Variants in KDM4A observed in about 807,000 individuals in gnomAD.
KDM4A encodes the protein lysine demethylase 4A, also known as lysine-specific demethylase 4A.
In KDM4A, 23 loss-of-function variants were observed where a neutral mutation model predicts 127.1. The observed-to-expected ratio is 0.18, with a 90% CI of 0.13 to 0.26. The LOEUF (loss-of-function observed/expected upper bound fraction) is 0.26, where lower values mean the gene tolerates loss of function less well. KDM4A is among the 10% of genes least tolerant of loss of function. The pLI is 1.00. For missense variants in KDM4A, 890 were observed against 1,329.1 expected (o/e 0.67, Z 5.14); for synonymous variants, 443 against 466.5 (o/e 0.95, Z 0.65).
intron 3 of KDM4A, among the ~76,000 whole-genome samples, chr1:43,657,550 G>T (rs780839604): frequency 1.3e-5 from 2 of 151,990 alleles, no homozygotes; most frequent in Non-Finnish European, 2.9e-5. Context: ...GCTGACCGAT[G>T]AGAGAATTTA....
In KDM4A at chr1:43,671,857, T is replaced by C; in HGVS notation, c.1716T>C (p.Ser572=). The change falls in exon 11 of 22, where the codon AGT becomes AGC. Residue 572 remains serine (S), a synonymous_variant. Coordinates refer to ENST00000372396, the MANE Select transcript of KDM4A (RefSeq NM_014663.3). ...AAGGAAGCGCCGCTAGAAGTTTCAG[T>C]GAGCGGGAGCTGGCAGAGGTATGGG... ...RKKGSAARSF[S]ERELAEVADE... 1 of 1,572,470 alleles carries C rather than the reference T, an allele frequency of 6.4e-7. No homozygotes were observed.
Position 43,662,874 on chromosome 1 carries a change from G to C in KDM4A, c.430-20G>C. 1 of 1,588,556 alleles carries C rather than the reference G, an allele frequency of 6.3e-7. No individual in the cohort carries two copies. Among genetic ancestry groups the C allele is most frequent in the Admixed American group, 1.7e-5 (1 of 57,876 alleles). ...TTCTATGCAAATGTAACTTGCCCTG[G>C]ACTGTCATTGCCTTTGCAGCATGTT... On this transcript the variant is annotated intron_variant, in intron 4 of 21. Coordinates refer to ENST00000372396, the MANE Select transcript of KDM4A (RefSeq NM_014663.3).
Position 43,656,571 on chromosome 1 carries a change from C to G in KDM4A, c.314+805C>G, listed in dbSNP as rs1486292518. On this transcript the variant is annotated intron_variant, in intron 3 of 21. Transcript: ENST00000372396. ...CAGGCTGGTCTTGAACTCCTGACCT[C>G]AAGTGATCCTCCTGCCTTGGCCTCC... 2.0e-5 allele frequency among the ~76,000 whole-genome samples: 3 copies of G among 151,980 alleles called. No homozygotes were observed. The South Asian group carries it at 6.2e-4, about 32-fold the overall frequency.
chr1:43,701,725 C>T (rs754521469), intron 19 of KDM4A, among the ~76,000 whole-genome samples: 47 of 152,122 alleles, frequency 3.1e-4, no homozygotes, highest in Admixed American at 5.2e-4. Flanking sequence ...TGGGCTGATG[C>T]GATCCTCCTA....
rs757921554 is a variant in KDM4A, at chr1:43,653,298, G to A, written c.123G>A (p.Arg41=). 5 of 1,612,178 alleles carry A rather than the reference G, an allele frequency of 3.1e-6. No homozygotes were observed. In the South Asian group the frequency reaches 5.5e-5, roughly 18 times the overall value. Residue 41 remains arginine, a synonymous_variant, in exon 2 of 22, where the codon CGG becomes CGA. Coordinates refer to ENST00000372396, the MANE Select transcript of KDM4A (RefSeq NM_014663.3). ...IAYIESQGAH[R]AGLAKVVPPK... ...ACATTGAATCCCAAGGAGCTCATCG[G>A]GCAGGGCTAGCCAAGGTAAGGAGCT...
chr1:43,656,654 A>AATGTTTAGTTCTCATTT (rs1035320356), intron 3 of KDM4A, among the ~76,000 whole-genome samples: 4 of 150,202 alleles, frequency 2.7e-5, no homozygotes, highest in Non-Finnish European at 5.9e-5. Context: ...CGCTGTTTTT[A>AATGTTTAGTTCTCATTT]ATGTTTAGTT....
rs370997898 is a variant in KDM4A, at chr1:43,694,882, T to G, written c.2658T>G (p.Ile886Met). 6 of 1,594,766 alleles carry G rather than the reference T, an allele frequency of 3.8e-6. No individual in the cohort carries two copies. The highest frequency in any genetic ancestry group is 1.1e-5 in the South Asian group (1 of 90,714). ...TCATTACCTGCTTTCGGCACAAGAT[T>G]CCTAATTTGGAGGTGAGAGAGGGTG... ...VVFITCFRHK[I>M]PNLERAKGAL... is the part of the protein sequence containing the mutation. Residue 886 changes from isoleucine to methionine, a missense_variant, in exon 18 of 22, where the codon ATT becomes ATG. Ile to Met is a conservative substitution (Grantham distance 10). This residue lies in a region of KDM4A where 246 missense variants were observed against 418.4 expected (regional missense o/e 0.59). Coordinates refer to ENST00000372396, the MANE Select transcript of KDM4A (RefSeq NM_014663.3). The surrounding 1 kb of genome is among the most constrained non-coding windows in gnomAD (Gnocchi z 5.2).
At chr1:43,650,672 TG>T (rs1181421473) in intron 1 of KDM4A, 1 of 152,258 alleles carries the variant, frequency 6.6e-6, no homozygotes, top group Non-Finnish European at 1.5e-5. Context: ...CTTTATTGAG[TG>T]GGTAAGTACC....
Position 43,667,033 on chromosome 1 carries a change from C to G in KDM4A, c.857C>G (p.Ala286Gly), listed in dbSNP as rs766535295. The change falls in exon 8 of 22, where the codon GCG (alanine) becomes GGG (glycine). Residue 286 changes from alanine (A) to glycine (G), a missense_variant. Ala to Gly is a moderately conservative substitution (Grantham distance 60, BLOSUM62 0). Transcript: ENST00000372396. ...HAGFNHGFNC[A>G]ESTNFATRRW... ...GGCTTTAACCATGGTTTTAACTGTG[C>G]GGAGTCTACCAATTTTGCTACCCGT... 6.2e-7 allele frequency: 1 copy of G among 1,614,092 alleles called. No homozygotes were observed. The highest frequency in any genetic ancestry group is 1.1e-5 in the South Asian group (1 of 91,082).
At chr1:43,668,707 G>T (rs1033872685) in intron 9 of KDM4A, among the ~76,000 whole-genome samples, 8 of 152,192 alleles carry the variant, frequency 5.3e-5, no homozygotes, top group Non-Finnish European at 1.5e-5. Flanking sequence ...TGGTAATGTC[G>T]TGATTTAAGT....
intron 2 of KDM4A, among the ~76,000 whole-genome samples, chr1:43,655,327 C>T (rs1298514029): frequency 6.6e-6 from 1 of 152,072 alleles, no homozygotes; most frequent in Non-Finnish European, 1.5e-5. Context: ...TCTTTAATCT[C>T]CTTTCTTGGT....
At position 43,688,905 on chromosome 1, in the gene KDM4A, C is replaced by G. The variant is rs375659779; in HGVS notation, c.1856-9C>G. 8.4e-5 allele frequency: 136 copies of G among 1,612,950 alleles called. No homozygotes were observed. Among genetic ancestry groups the G allele is most frequent in the Non-Finnish European group, 1.1e-4 (135 of 1,179,396 alleles). Reference sequence around the variant, plus strand: ...TAGTGCTGACTCACACTTCTGTTTCCTCCTCTAGAGACATCTGAACAGCTG... The same window carrying G: ...TAGTGCTGACTCACACTTCTGTTTCGTCCTCTAGAGACATCTGAACAGCTG... On this transcript the variant is annotated splice_polypyrimidine_tract_variant and intron_variant, in intron 12 of 21. Coordinates refer to ENST00000372396, the MANE Select transcript of KDM4A (RefSeq NM_014663.3). The surrounding 1 kb of genome is among the most constrained non-coding windows in gnomAD (Gnocchi z 4.4).
chr1:43,653,367 A>AT (rs3215842), intron 2 of KDM4A, 54 bp downstream of exon 2: 481,613 of 1,490,398 alleles, frequency 0.32, 80,128 homozygotes, highest in African/African-American at 0.43. Flanking sequence ...GAGCAGTAAG[A>AT]TTTTTTTCCT....
chr1:43,652,896 C>T lies in KDM4A; in HGVS notation c.-39-241C>T, dbSNP rs558223937. On this transcript the variant is annotated intron_variant, in intron 1 of 21. Coordinates refer to ENST00000372396, the MANE Select transcript of KDM4A (RefSeq NM_014663.3). ...ACAGGGTTTCACTGTGTTGGCCAGG[C>T]TGGTCTCAAACTTATGACCTCAGGC... Among the ~76,000 whole-genome samples, 44 of 151,968 alleles carry T rather than the reference C, an allele frequency of 2.9e-4. No homozygotes were observed. The Middle Eastern group carries it at 0.01, about 35-fold the overall frequency.
At chr1:43,703,231 C>T (rs144588901) in intron 19 of KDM4A, among the ~76,000 whole-genome samples, 202 of 151,826 alleles carry the variant, frequency 1.3e-3, no homozygotes, top group African/African-American at 4.7e-3. Flanking sequence ...CATGAGCCAC[C>T]GTGCCTGGCC....
chr1:43,688,785 T>C lies in KDM4A; in HGVS notation c.1856-129T>C. Reference sequence around the variant, plus strand: ...CTTCCACCCTTTGCCTTTATCATCCTTAGGAATTCAGGAGTCACCCTTGGT... The same window carrying C: ...CTTCCACCCTTTGCCTTTATCATCCCTAGGAATTCAGGAGTCACCCTTGGT... On this transcript the variant is annotated intron_variant, in intron 12 of 21. Transcript: ENST00000372396. The surrounding 1 kb of genome is among the most constrained non-coding windows in gnomAD (Gnocchi z 4.4). The C allele has an allele frequency of 1.3e-6, 1 of 753,608 alleles. No individual in the cohort carries two copies. The highest frequency in any genetic ancestry group is 1.8e-5 in the South Asian group (1 of 54,770). 46.7% of individuals were successfully genotyped at this position (753,608 alleles called of 1,614,324 possible).
Position 43,688,125 on chromosome 1 carries a change from T to A in KDM4A, c.1856-789T>A, listed in dbSNP as rs919016897. 6.6e-6 allele frequency among the ~76,000 whole-genome samples: 1 copy of A among 152,156 alleles called. No homozygotes were observed. Among genetic ancestry groups the A allele is most frequent in the Non-Finnish European group, 1.5e-5 (1 of 68,036 alleles). On this transcript the variant is annotated intron_variant, in intron 12 of 21. Coordinates refer to ENST00000372396, the MANE Select transcript of KDM4A (RefSeq NM_014663.3). This position sits in a 1 kb window ranked among gnomAD's most constrained non-coding sequence, Gnocchi z 4.4. ...TGGGCAGCTGTGATGGGAGGATCAC[T>A]TGAGCCCAGGAGTTTGAGGCTGTGG...
intron 19 of KDM4A, 126 bp from the exon 20 acceptor site, chr1:43,703,491 C>A: frequency 1.7e-6 from 2 of 1,203,990 alleles, no homozygotes; most frequent in Admixed American, 2.1e-5. Context: ...ATTTTTCAGC[C>A]CAGAGAGCTG....
At chr1:43,668,124 T>A in intron 9 of KDM4A, 105 bp downstream of exon 9, 1 of 1,387,236 alleles carries the variant, frequency 7.2e-7, no homozygotes, top group Non-Finnish European at 9.8e-7. Flanking sequence ...TTTGTTTTGT[T>A]TTTGTTTTTG....
Sources: allele counts gnomAD v4.1 joint callset (sites outside exome capture counted in the v4.1 genomes callset), GRCh38; gene constraint gnomAD v4.1.1; regional missense constraint gnomAD v4.1.1; non-coding constraint Gnocchi (gnomAD v3.1); transcripts MANE v1.5; gene names NCBI Gene and HGNC (gene_info 2026-07-23, HGNC 2026-07-21).